Variants in CYTIP observed in about 807,000 individuals in gnomAD.
The protein encoded by CYTIP is cytohesin-interacting protein.
CYTIP carries 26 observed loss-of-function variants against 43.8 expected under a neutral mutation model. That is an observed-to-expected ratio of 0.59 (90% CI 0.44 to 0.82). CYTIP has a LOEUF of 0.82. CYTIP is among the 40% of genes least tolerant of loss of function. The pLI is 0.00. For missense variants in CYTIP, 426 were observed against 443.1 expected (o/e 0.96, Z 0.35); for synonymous variants, 162 against 162.9 (o/e 0.99, Z 0.04).
At chr2:157,434,615 G>T in intron 2 of CYTIP, 83 bp downstream of exon 2, 1 of 1,027,856 alleles carries the variant, frequency 9.7e-7, no homozygotes, top group East Asian at 2.5e-5. Context: ...GAGAGAGAGA[G>T]AGGAAGAGAG....
intron 6 of CYTIP, among the ~76,000 whole-genome samples, chr2:157,422,595 G>A (rs942703407): frequency 7.9e-5 from 12 of 151,478 alleles, no homozygotes; most frequent in African/African-American, 1.7e-4. Context: ...CCTTGAACCC[G>A]GGAGGTGGAG....
intron 6 of CYTIP, among the ~76,000 whole-genome samples, chr2:157,420,378 T>C (rs572777353): frequency 1.3e-5 from 2 of 152,124 alleles, no homozygotes; most frequent in East Asian, 3.9e-4. Flanking sequence ...TAGCTGGGTG[T>C]GATGGCAGGC....
chr2:157,415,823 A>T lies in CYTIP; in HGVS notation c.934T>A (p.Ser312Thr). The change falls in exon 8 of 8, where the codon TCC becomes ACC. Residue 312 changes from serine (S) to threonine (T), a missense_variant. Coordinates refer to ENST00000264192, the MANE Select transcript of CYTIP (RefSeq NM_004288.5). ...NRSISNTSSG[S>T]MSPLWEGNLS... The stretch of plus-strand genomic sequence containing the variant: ...TTGCCCTCCCACAAGGGAGACATGG[A>T]TCCGCTGCTGGTGTTACTGATGCTC... 1 of 1,614,204 alleles carries T rather than the reference A, an allele frequency of 6.2e-7. No homozygotes were observed. The highest frequency in any genetic ancestry group is 8.5e-7 in the Non-Finnish European group (1 of 1,180,040).
In CYTIP at chr2:157,416,084, C is replaced by A; in HGVS notation, c.673G>T (p.Gly225Ter). The change falls in exon 8 of 8, where the codon GGA (glycine) becomes TGA (stop). Residue 225 changes from glycine (G) to a stop codon, truncating the protein, a stop_gained. Coordinates refer to ENST00000264192, the MANE Select transcript of CYTIP (RefSeq NM_004288.5). LOFTEE classifies it high-confidence loss of function. ...GCTGGGCCTGGCCCAGGCAGGGGTC[C>A]AAACAAAGACAATTCATCCAAGTCC... ...NMDLDELSLF[G>*]PLPGPGPALV... The A allele has an allele frequency of 1.2e-6, 2 of 1,613,908 alleles. No homozygotes were observed. The highest frequency in any genetic ancestry group is 1.7e-6 in the Non-Finnish European group (2 of 1,179,934).
intron 5 of CYTIP, among the ~76,000 whole-genome samples, chr2:157,429,675 A>G (rs1203862722): frequency 6.6e-6 from 1 of 152,140 alleles, no homozygotes; most frequent in Non-Finnish European, 1.5e-5. Flanking sequence ...AGGTGCTAGT[A>G]TTGTTATGGT....
At chr2:157,437,354 G>GA (rs1013076464) in intron 1 of CYTIP, among the ~76,000 whole-genome samples, 51 of 146,724 alleles carry the variant, frequency 3.5e-4, no homozygotes, top group African/African-American at 8.0e-4. Context: ...TACCTCAACA[G>GA]AAAAAAAAAA....
intron 6 of CYTIP, among the ~76,000 whole-genome samples, chr2:157,426,543 A>ACT: frequency 6.6e-6 from 1 of 152,226 alleles, no homozygotes; most frequent in Non-Finnish European, 1.5e-5. Flanking sequence ...CATGAAGAAA[A>ACT]CTAACAAATG....
intron 1 of CYTIP, among the ~76,000 whole-genome samples, chr2:157,442,360 G>A (rs1447639191): frequency 6.6e-6 from 1 of 151,842 alleles, no homozygotes; most frequent in East Asian, 1.9e-4. Flanking sequence ...ACCATCTGTT[G>A]CATTGAATTG....
chr2:157,439,031 C>A, intron 1 of CYTIP: 1 of 284,166 alleles, frequency 3.5e-6, no homozygotes, highest in South Asian at 3.1e-5. Context: ...AGATATTTCC[C>A]CCACCACTCT....
chr2:157,420,692 C>A (rs1171110113), intron 6 of CYTIP, among the ~76,000 whole-genome samples: 2 of 145,064 alleles, frequency 1.4e-5, no homozygotes, highest in Non-Finnish European at 3.0e-5. Context: ...TGCTATGCTG[C>A]CTTATTCCCA....
At chr2:157,426,866 T>G (rs1685617089) in intron 6 of CYTIP, among the ~76,000 whole-genome samples, 1 of 152,214 alleles carries the variant, frequency 6.6e-6, no homozygotes, top group Non-Finnish European at 1.5e-5. Flanking sequence ...CCTTTGAATT[T>G]GCTAGTGTAT....
At chr2:157,425,091 A>G (rs966673037) in intron 6 of CYTIP, among the ~76,000 whole-genome samples, 2 of 152,140 alleles carry the variant, frequency 1.3e-5, no homozygotes, top group Non-Finnish European at 2.9e-5. Flanking sequence ...AAATGTTAAA[A>G]AGCTTTAGCA....
At chr2:157,418,383 C>G (rs1685470676) in intron 7 of CYTIP, 140 bp downstream of exon 7, 1 of 730,794 alleles carries the variant, frequency 1.4e-6, no homozygotes, top group Non-Finnish European at 2.1e-6. Context: ...AAAGCTCATG[C>G]CAAAGAAACA....
At chr2:157,440,535 T>G (rs756419221) in intron 1 of CYTIP, among the ~76,000 whole-genome samples, 8 of 152,114 alleles carry the variant, frequency 5.3e-5, no homozygotes, top group Non-Finnish European at 8.8e-5. Context: ...TCAGGACAAT[T>G]GGGAGTTACG....
intron 6 of CYTIP, among the ~76,000 whole-genome samples, chr2:157,422,105 T>A (rs139676216): frequency 6.6e-6 from 1 of 152,244 alleles, no homozygotes; most frequent in African/African-American, 2.4e-5. Flanking sequence ...AAGGCAGGAA[T>A]ACCTAAACAC....
chr2:157,441,667 CTT>C (rs1444286126), intron 1 of CYTIP, among the ~76,000 whole-genome samples: 219 of 152,190 alleles, frequency 1.4e-3, no homozygotes, highest in African/African-American at 5.1e-3. Flanking sequence ...AAATCCCTCT[CTT>C]TATCCTCCTC....
At chr2:157,443,344 A>C (rs1302515215) in intron 1 of CYTIP, among the ~76,000 whole-genome samples, 1 of 152,202 alleles carries the variant, frequency 6.6e-6, no homozygotes, top group East Asian at 1.9e-4. Context: ...TATCCAAAAA[A>C]AAAAAATCTT....
chr2:157,436,464 G>C (rs941265490), intron 1 of CYTIP, among the ~76,000 whole-genome samples: 9 of 151,810 alleles, frequency 5.9e-5, no homozygotes, highest in African/African-American at 2.2e-4. Flanking sequence ...GATAACTAGG[G>C]CTTTTTTATT....
intron 1 of CYTIP, among the ~76,000 whole-genome samples, chr2:157,436,732 C>T (rs1399197377): frequency 6.6e-6 from 1 of 151,668 alleles, no homozygotes; most frequent in Non-Finnish European, 1.5e-5. Context: ...CAACACAGGG[C>T]CTGGAATAGA....
Sources: gnomAD v4.1 joint callset for allele counts (sites outside exome capture counted in the v4.1 genomes callset) on GRCh38, gnomAD v4.1.1 for gene constraint, MANE v1.5 for transcripts, NCBI Gene and HGNC (gene_info 2026-07-23, HGNC 2026-07-21) for gene names.